COBLL1: variants seen among roughly 807,000 people sequenced by gnomAD.
The protein encoded by COBLL1 is cordon-bleu protein-like 1.
COBLL1 carries 50 observed loss-of-function variants against 94.8 expected under a neutral mutation model. The ratio of observed to expected loss-of-function variants is 0.53; its 90% CI spans 0.42 to 0.67. The LOEUF is 0.67. COBLL1 is among the 30% of genes least tolerant of loss of function. The pLI is 0.00. For missense variants in COBLL1, 1,362 were observed against 1,348.7 expected (o/e 1.01, Z -0.15); for synonymous variants, 448 against 473.8 (o/e 0.95, Z 0.71).
chr2:164,716,831 T>C (rs1685192483), intron 7 of COBLL1, among the ~76,000 whole-genome samples: 1 of 152,272 alleles, frequency 6.6e-6, no homozygotes, highest in East Asian at 1.9e-4. Flanking sequence ...TTGAGAAATA[T>C]CTTAGAAGAA....
At chr2:164,735,449 T>G (rs957529447) in intron 3 of COBLL1, among the ~76,000 whole-genome samples, 2 of 152,168 alleles carry the variant, frequency 1.3e-5, no homozygotes, top group Non-Finnish European at 2.9e-5. Context: ...CTAGTTTGAA[T>G]GCTTTAAATA....
intron 2 of COBLL1, among the ~76,000 whole-genome samples, chr2:164,772,294 G>C (rs1688247107): frequency 6.6e-6 from 1 of 151,798 alleles, no homozygotes; most frequent in Non-Finnish European, 1.5e-5. Flanking sequence ...AGCAAAATTT[G>C]GAAAATGTAA....
chr2:164,746,152 G>A (rs577575208), intron 2 of COBLL1, among the ~76,000 whole-genome samples: 4 of 151,990 alleles, frequency 2.6e-5, no homozygotes, highest in East Asian at 1.9e-4. Context: ...TACAAATTCC[G>A]CCAGCTCTAT....
In COBLL1 at chr2:164,727,780, G is replaced by A. The variant is rs185148033; in HGVS notation, c.661+189C>T. On this transcript the variant is annotated intron_variant, in intron 5 of 13. Coordinates refer to ENST00000652658, the MANE Select transcript of COBLL1 (RefSeq NM_001365672.2). ...CAATTTCAATAACTGAAATTAAGTT[G>A]TTATATTTAACTTGATTTATATTTA... Among the ~76,000 whole-genome samples, 416 of 150,822 alleles carry A rather than the reference G, an allele frequency of 2.8e-3. 1 individual carries two copies. Among genetic ancestry groups the A allele is most frequent in the Non-Finnish European group, 4.4e-3 (301 of 67,680 alleles).
intron 2 of COBLL1, among the ~76,000 whole-genome samples, chr2:164,795,450 C>T (rs942563841): frequency 4.9e-4 from 74 of 151,978 alleles, no homozygotes; most frequent in African/African-American, 1.6e-3. Flanking sequence ...TCTATTAATT[C>T]GTTATATTTT....
intron 2 of COBLL1, among the ~76,000 whole-genome samples, chr2:164,797,490 C>A (rs756659497): frequency 6.6e-6 from 1 of 151,828 alleles, no homozygotes; most frequent in African/African-American, 2.4e-5. Flanking sequence ...GAAAAAAAAA[C>A]CCTTAGGGTT....
intron 2 of COBLL1, among the ~76,000 whole-genome samples, chr2:164,764,955 G>A (rs1026322742): frequency 1.4e-4 from 22 of 152,082 alleles, no homozygotes; most frequent in African/African-American, 4.8e-4. Context: ...AACATTTGAT[G>A]AACAAGGGTT....
chr2:164,772,542 CT>C (rs1688258899), intron 2 of COBLL1, among the ~76,000 whole-genome samples: 1 of 151,980 alleles, frequency 6.6e-6, no homozygotes, highest in South Asian at 2.1e-4. Flanking sequence ...TTCAATTAAT[CT>C]TATCACTTAT....
chr2:164,777,231 A>T (rs1688505390), intron 2 of COBLL1, among the ~76,000 whole-genome samples: 2 of 152,024 alleles, frequency 1.3e-5, no homozygotes, highest in African/African-American at 2.4e-5. Flanking sequence ...TATCTGGCAT[A>T]TACAAACCTT....
chr2:164,841,965 A>G, upstream of COBLL1: 3 of 1,538,442 alleles, frequency 2.0e-6, no homozygotes, highest in African/African-American at 1.4e-5. The surrounding 1 kb of genome is among the most constrained non-coding windows in gnomAD (Gnocchi z 5.5). Flanking sequence ...ACCCTGCCCC[A>G]TTTCCCTGCC....
chr2:164,728,266 G>T, intron 4 of COBLL1, 69 bp from the exon 5 acceptor site: 1 of 930,886 alleles, frequency 1.1e-6, no homozygotes, highest in Non-Finnish European at 1.7e-6. Context: ...ATAATGTCTA[G>T]AATAATGAGA....
intron 2 of COBLL1, among the ~76,000 whole-genome samples, chr2:164,775,877 C>A (rs558956387): frequency 6.6e-5 from 10 of 152,228 alleles, no homozygotes; most frequent in African/African-American, 2.2e-4. Context: ...ATTTTAAAAT[C>A]TCTTGGCTGC....
At chr2:164,826,095 A>C (rs1392348909) in intron 2 of COBLL1, among the ~76,000 whole-genome samples, 1 of 152,236 alleles carries the variant, frequency 6.6e-6, no homozygotes, top group African/African-American at 2.4e-5. Flanking sequence ...AGTCTTAACA[A>C]AATCAAAGAA....
intron 2 of COBLL1, among the ~76,000 whole-genome samples, chr2:164,836,121 T>A (rs1270935534): frequency 6.6e-6 from 1 of 152,128 alleles, no homozygotes; most frequent in African/African-American, 2.4e-5. Flanking sequence ...AATAAATAAT[T>A]TCATTTTTGT....
intron 9 of COBLL1, chr2:164,703,332 T>G (rs1267129262): frequency 2.9e-6 from 2 of 690,110 alleles, no homozygotes; most frequent in Non-Finnish European, 5.0e-6. Context: ...CAATTATCCA[T>G]GCATTAAATA....
intron 7 of COBLL1, among the ~76,000 whole-genome samples, chr2:164,710,566 C>CTT (rs11307875): frequency 7.0e-6 from 1 of 142,270 alleles, no homozygotes; most frequent in Non-Finnish European, 1.5e-5. Context: ...CAGCAGCATT[C>CTT]TTTTTTTTTT....
intron 2 of COBLL1, among the ~76,000 whole-genome samples, chr2:164,819,752 T>G (rs2105358935): frequency 6.6e-6 from 1 of 152,240 alleles, no homozygotes; most frequent in South Asian, 2.1e-4. Flanking sequence ...AATGTGTTTT[T>G]GTTTAGTTAT....
chr2:164,804,542 T>G (rs565971424), intron 2 of COBLL1, among the ~76,000 whole-genome samples: 1 of 152,158 alleles, frequency 6.6e-6, no homozygotes, highest in African/African-American at 2.4e-5. Flanking sequence ...TAACTGCTTT[T>G]GGGGGCTCAA....
In COBLL1 at chr2:164,685,688, A is replaced by T. The variant is rs544697097; in HGVS notation, c.*258T>A. The T allele has an allele frequency of 3.3e-6, 1 of 299,890 alleles. No individual in the cohort carries two copies. Among genetic ancestry groups the T allele is most frequent in the Admixed American group, 5.0e-5 (1 of 20,106 alleles). The allele number at this position is 299,890 out of a possible 1,614,324, so 18.6% of individuals were successfully genotyped here. ...AAGGAATTATTTTTCATTTGTAAAA[A>T]ATGAAAATCATTTACACCTTGTTTT... On this transcript the variant is annotated 3_prime_UTR_variant, in exon 14 of 14. Coordinates refer to ENST00000652658, the MANE Select transcript of COBLL1 (RefSeq NM_001365672.2).
Sources: gnomAD v4.1 joint callset for allele counts (sites outside exome capture counted in the v4.1 genomes callset) on GRCh38, gnomAD v4.1.1 for gene constraint, Gnocchi (gnomAD v3.1) non-coding constraint, MANE v1.5 for transcripts, NCBI Gene and HGNC (gene_info 2026-07-23, HGNC 2026-07-21) for gene names.